Variants in RASAL2 observed in about 807,000 individuals in gnomAD.
RASAL2 encodes ras GTPase-activating protein nGAP.
RASAL2 carries 58 observed loss-of-function variants against 128.9 expected under a neutral mutation model. The ratio of observed to expected loss-of-function variants is 0.45; its 90% CI spans 0.36 to 0.56. The LOEUF (loss-of-function observed/expected upper bound fraction) is 0.56, where lower values mean the gene tolerates loss of function less well. RASAL2 is among the 20% of genes least tolerant of loss of function. The pLI is 0.00. For synonymous variants in RASAL2, 561 were observed against 580.8 expected, an observed-to-expected ratio of 0.97 and a Z score of 0.49; for missense variants, 1,360 against 1,601.6, an observed-to-expected ratio of 0.85 and a Z score of 2.57.
At chr1:178,168,773 C>G (rs1291113719) in intron 1 of RASAL2, among the ~76,000 whole-genome samples, 1 of 152,086 alleles carries the variant, frequency 6.6e-6, no homozygotes, top group East Asian at 1.9e-4. Context: ...ACAGCATGAA[C>G]TCTTTATAGC....
Position 178,466,040 on chromosome 1 carries a change from A to G in RASAL2, c.3508A>G (p.Lys1170Glu), listed in dbSNP as rs1244352180. The G allele has an allele frequency of 6.3e-6, 10 of 1,580,542 alleles. No homozygotes were observed. Among genetic ancestry groups the G allele is most frequent in the African/African-American group, 4.0e-5 (3 of 74,294 alleles). The change falls in exon 16 of 18, where the codon AAG (lysine) becomes GAG (glutamate). Residue 1170 changes from lysine (K) to glutamate (E), a missense_variant. Around this residue, in one of 3 missense-constraint regions of RASAL2, gnomAD observed 741 missense variants for 868.6 expected, o/e 0.85. Transcript: ENST00000367649. Reference sequence around the variant, plus strand: ...GATGCAGAAGCTGCTGCTGGAATACAAGGCCCGACTGGAGGACAGCGAGGA... The same window carrying G: ...GATGCAGAAGCTGCTGCTGGAATACGAGGCCCGACTGGAGGACAGCGAGGA... ...QQMQKLLLEYKARLEDSEERL... is the reference protein window; with the variant it reads ...QQMQKLLLEYEARLEDSEERL...
intron 3 of RASAL2, among the ~76,000 whole-genome samples, chr1:178,379,839 G>C (rs1053187123): frequency 3.3e-5 from 5 of 152,192 alleles, no homozygotes; most frequent in Admixed American, 6.5e-5. Context: ...GATATCTAAA[G>C]AAAATGAATA....
chr1:178,296,185 A>AT (rs1459817729), intron 2 of RASAL2, among the ~76,000 whole-genome samples: 1 of 151,922 alleles, frequency 6.6e-6, no homozygotes, highest in African/African-American at 2.4e-5. Context: ...GCATATATAT[A>AT]TATATAAATA....
chr1:178,376,167 T>C (rs901800298), intron 3 of RASAL2, among the ~76,000 whole-genome samples: 4 of 152,118 alleles, frequency 2.6e-5, no homozygotes, highest in African/African-American at 7.2e-5. Flanking sequence ...GTAGTGTCAG[T>C]GGCTACAAAA....
intron 4 of RASAL2, among the ~76,000 whole-genome samples, chr1:178,409,608 G>T (rs138462945): frequency 6.6e-6 from 1 of 152,032 alleles, no homozygotes; most frequent in Non-Finnish European, 1.5e-5. Context: ...ATGGTAAGTC[G>T]TTACCAGATG....
intron 4 of RASAL2, chr1:178,412,059 G>T: frequency 2.6e-5 from 8 of 311,644 alleles, no homozygotes; most frequent in South Asian, 4.4e-5. Context: ...TTGCCATCAT[G>T]TGAAAAAAAA....
chr1:178,235,599 CGTGTGTGTGT>C (rs149134252), intron 1 of RASAL2, among the ~76,000 whole-genome samples: 1 of 149,974 alleles, frequency 6.7e-6, no homozygotes, highest in Admixed American at 6.7e-5. Flanking sequence ...GCTTCGTGTG[CGTGTGTGTGT>C]GTGTGTGTCT....
intron 1 of RASAL2, among the ~76,000 whole-genome samples, chr1:178,281,646 T>C (rs1436415054): frequency 6.6e-6 from 1 of 152,184 alleles, no homozygotes; most frequent in African/African-American, 2.4e-5. Flanking sequence ...GGCTAACTTA[T>C]ATAATAAAGC....
intron 4 of RASAL2, among the ~76,000 whole-genome samples, chr1:178,393,164 G>A (rs766585086): frequency 6.6e-6 from 1 of 152,128 alleles, no homozygotes; most frequent in African/African-American, 2.4e-5. Context: ...ATTTTTCCAC[G>A]GACCAGGGTT....
intron 4 of RASAL2, among the ~76,000 whole-genome samples, chr1:178,396,798 A>T (rs1367159020): frequency 3.3e-5 from 5 of 149,782 alleles, no homozygotes; most frequent in African/African-American, 9.9e-5. Flanking sequence ...TCAATACAAA[A>T]TTTTTTGTCA....
intron 3 of RASAL2, among the ~76,000 whole-genome samples, chr1:178,383,665 A>G (rs1348338309): frequency 6.6e-6 from 1 of 152,056 alleles, no homozygotes; most frequent in East Asian, 1.9e-4. Flanking sequence ...TCCTCCTACT[A>G]TTTCATCCTT....
intron 4 of RASAL2, among the ~76,000 whole-genome samples, chr1:178,392,804 C>T (rs1322615231): frequency 6.6e-6 from 1 of 152,148 alleles, no homozygotes; most frequent in Non-Finnish European, 1.5e-5. Context: ...GGGTAAGGAT[C>T]ACTCATATCC....
chr1:178,259,349 T>C (rs1478672886), intron 1 of RASAL2, among the ~76,000 whole-genome samples: 3 of 151,936 alleles, frequency 2.0e-5, no homozygotes, highest in Non-Finnish European at 4.4e-5. Context: ...GCCAGGATGG[T>C]CTCGATCTCC....
intron 12 of RASAL2, among the ~76,000 whole-genome samples, chr1:178,455,403 A>G (rs1307907545): frequency 6.6e-6 from 1 of 152,184 alleles, no homozygotes; most frequent in African/African-American, 2.4e-5. Context: ...AATAACTTCA[A>G]AAGACAGTCA....
chr1:178,236,966 G>A (rs1459913456), intron 1 of RASAL2, among the ~76,000 whole-genome samples: 2 of 151,900 alleles, frequency 1.3e-5, no homozygotes, highest in Non-Finnish European at 2.9e-5. Context: ...GTTTCGCCAT[G>A]TTGGTCAGGC....
chr1:178,258,463 A>C (rs1665492565), intron 1 of RASAL2, among the ~76,000 whole-genome samples: 2 of 152,204 alleles, frequency 1.3e-5, no homozygotes, highest in South Asian at 4.1e-4. Flanking sequence ...GGATCTGAGT[A>C]GATAGTTCTC....
chr1:178,420,511 G>C lies in RASAL2; in HGVS notation c.565G>C (p.Gly189Arg), dbSNP rs1675077175. 2 of 1,602,470 alleles carry C rather than the reference G, an allele frequency of 1.2e-6. No individual in the cohort carries two copies. Among genetic ancestry groups the C allele is most frequent in the Non-Finnish European group, 1.7e-6 (2 of 1,171,982 alleles). ...TANTSPFKVP[G>R]FFSKRLKGSI... ...CATCACCTTCTGCCTTTCCTTCTAG[G>C]GATTCTTCAGCAAGCGCCTGAAAGG... is the stretch of plus-strand genomic sequence containing the variant. Residue 189 changes from glycine to arginine, a missense_variant and splice_region_variant, in exon 5 of 18, where the codon GGA (glycine) becomes CGA (arginine). By Grantham distance (125) the Gly-to-Arg change is moderately radical (BLOSUM62 -2). Coordinates refer to ENST00000367649, the MANE Select transcript of RASAL2 (RefSeq NM_170692.4).
intron 1 of RASAL2, among the ~76,000 whole-genome samples, chr1:178,155,479 A>T (rs1182243256): frequency 9.3e-5 from 14 of 151,088 alleles, no homozygotes; most frequent in African/African-American, 1.2e-4. Context: ...AAAAAAAAAA[A>T]TTTTAGAAGT....
At chr1:178,318,331 C>A (rs1262471767) in intron 3 of RASAL2, among the ~76,000 whole-genome samples, 5 of 148,690 alleles carry the variant, frequency 3.4e-5, no homozygotes, top group Admixed American at 2.0e-4. Flanking sequence ...GAGCTGAGTT[C>A]AATTCCTGGG....
Sources: allele counts gnomAD v4.1 joint callset (sites outside exome capture counted in the v4.1 genomes callset), GRCh38; gene constraint gnomAD v4.1.1; regional missense constraint gnomAD v4.1.1; transcripts MANE v1.5; gene names NCBI Gene and HGNC (gene_info 2026-07-23, HGNC 2026-07-21).